The following GMFG variants were observed in gnomAD, a reference collection of about 807,000 sequenced individuals.
GMFG encodes glia maturation factor gamma.
A neutral mutation model predicts 26.1 loss-of-function variants in GMFG; 21 were observed. That is an observed-to-expected ratio of 0.80 (90% CI 0.57 to 1.16). The LOEUF (loss-of-function observed/expected upper bound fraction) is 1.16, where lower values mean the gene tolerates loss of function less well. Among genes scored for constraint, GMFG ranks in the 50% most tolerant of loss-of-function variants. The pLI is 0.00. For missense variants in GMFG, 161 were observed against 178.3 expected (o/e 0.90, Z 0.55); for synonymous variants, 65 against 60.8 (o/e 1.07, Z -0.32).
chr19:39,329,431 C>G (rs530473219), intron 5 of GMFG, 113 bp downstream of exon 5: 1 of 702,566 alleles, frequency 1.4e-6, no homozygotes, highest in Non-Finnish European at 2.6e-6. Flanking sequence ...CACACACAGG[C>G]TGTCACATGC....
intron 5 of GMFG, 49 bp downstream of exon 5, chr19:39,329,495 C>T: frequency 9.3e-7 from 1 of 1,074,270 alleles, no homozygotes; most frequent in Non-Finnish European, 1.4e-6. Context: ...CAAACACACA[C>T]ACACAGAATC....
intron 4 of GMFG, among the ~76,000 whole-genome samples, chr19:39,331,826 C>G (rs1379013494): frequency 6.6e-6 from 1 of 152,012 alleles, no homozygotes; most frequent in African/African-American, 2.4e-5. Flanking sequence ...TGTTTGCTAC[C>G]TAAAGTGTTC....
At position 39,328,381 on chromosome 19, in the gene GMFG, T is replaced by G. The variant is rs1860200430; in HGVS notation, c.*96A>C. On this transcript the variant is annotated 3_prime_UTR_variant, in exon 7 of 7. Coordinates refer to ENST00000597595, the MANE Select transcript of GMFG (RefSeq NM_004877.4). ...ATCTCCGAGTTTTTGCATTTTAAAATTTATTTAAAGTCTTGGTTGTTCAGG... is the reference window on the plus strand; with the variant it reads ...ATCTCCGAGTTTTTGCATTTTAAAAGTTATTTAAAGTCTTGGTTGTTCAGG... The G allele has an allele frequency of 1.2e-6, 1 of 821,412 alleles. No individual in the cohort carries two copies. The highest frequency in any genetic ancestry group is 2.1e-6 in the Non-Finnish European group (1 of 478,284). 50.9% of individuals were successfully genotyped at this position (821,412 alleles called of 1,614,324 possible).
chr19:39,335,986 G>T lies in GMFG; in HGVS notation c.-10C>A. On this transcript the variant is annotated 5_prime_UTR_variant, in exon 1 of 7. Transcript: ENST00000597595. ...CCTGGCCCCTGACCATGATTGTTCT[G>T]TCCACAGGCCTCTTCTTTTCTTAGT... The T allele has an allele frequency of 6.2e-7, 1 of 1,600,724 alleles. No individual in the cohort carries two copies. Among genetic ancestry groups the T allele is most frequent in the Non-Finnish European group, 8.6e-7 (1 of 1,168,008 alleles).
intron 3 of GMFG, among the ~76,000 whole-genome samples, chr19:39,333,974 G>C (rs947863948): frequency 1.4e-4 from 21 of 151,248 alleles, no homozygotes; most frequent in East Asian, 1.9e-4. Flanking sequence ...GGCCACCAGG[G>C]GGGTGAGGTC....
At chr19:39,332,261 C>T (rs1369181542) in intron 4 of GMFG, among the ~76,000 whole-genome samples, 12 of 150,792 alleles carry the variant, frequency 8.0e-5, no homozygotes, top group Non-Finnish European at 7.4e-5. Flanking sequence ...ACCCAGGAGG[C>T]GGAGGTTGCA....
chr19:39,335,296 C>T lies in GMFG; in HGVS notation c.115G>A (p.Asp39Asn). The T allele has an allele frequency of 6.4e-7, 1 of 1,567,472 alleles. No individual in the cohort carries two copies. Among genetic ancestry groups the T allele is most frequent in the Non-Finnish European group, 8.7e-7 (1 of 1,155,040 alleles). Residue 39 changes from aspartate to asparagine, a missense_variant, in exon 3 of 7, where the codon GAC becomes AAC. By Grantham distance (23) the Asp-to-Asn change is conservative. Coordinates refer to ENST00000597595, the MANE Select transcript of GMFG (RefSeq NM_004877.4). ...NAAIIMKVDK[D>N]RQMVVLEEEF... ...TCCTCCAGCACCACCATCTGCCGGT[C>T]TTTGTCCACCTTCACTGGGGAGGGG...
At position 39,335,427 on chromosome 19, in the gene GMFG, T is replaced by C. The variant is rs759380403; in HGVS notation, c.100+8A>G. 5 of 1,607,002 alleles carry C rather than the reference T, an allele frequency of 3.1e-6. No homozygotes were observed. Among genetic ancestry groups the C allele is most frequent in the South Asian group, 1.1e-5 (1 of 90,940 alleles). ...TCCCATCCTTCTGTGGGGGAAGATGTCACTCACTTATGATGGCTGCATTGT... is the reference window on the plus strand; with the variant it reads ...TCCCATCCTTCTGTGGGGGAAGATGCCACTCACTTATGATGGCTGCATTGT... On this transcript the variant is annotated splice_region_variant and intron_variant, in intron 2 of 6. Coordinates refer to ENST00000597595, the MANE Select transcript of GMFG (RefSeq NM_004877.4).
In GMFG at chr19:39,329,613, T is replaced by C. The variant is rs769354620; in HGVS notation, c.214A>G (p.Ser72Gly). Residue 72 changes from serine to glycine, a missense_variant, in exon 5 of 7, where the codon AGC becomes GGC. By Grantham distance (56) the Ser-to-Gly change is moderately conservative. Coordinates refer to ENST00000597595, the MANE Select transcript of GMFG (RefSeq NM_004877.4). ...PERQPRFVVY[S>G]YKYVHDDGRV... ...CCATCGTCATGCACGTACTTGTAGC[T>C]GTAAACCACGAACCTACCGTGAAAG... The C allele has an allele frequency of 2.5e-5, 40 of 1,607,240 alleles. No homozygotes were observed. The highest frequency in any genetic ancestry group is 3.2e-5 in the Non-Finnish European group (37 of 1,173,942).
At chr19:39,331,269 CCTGTGAACCTAG>C (rs1036242192) in intron 4 of GMFG, among the ~76,000 whole-genome samples, 26 of 152,300 alleles carry the variant, frequency 1.7e-4, no homozygotes, top group African/African-American at 6.3e-4. Context: ...TGGTGGACTG[CCTGTGAACCTAG>C]CTCCAAACCC....
chr19:39,330,350 A>G (rs2075221472), intron 4 of GMFG, among the ~76,000 whole-genome samples: 1 of 152,176 alleles, frequency 6.6e-6, no homozygotes, highest in African/African-American at 2.4e-5. Flanking sequence ...TAAAATGAAA[A>G]TGTGGGGCAT....
At chr19:39,335,864 C>A (rs1178224542) in intron 1 of GMFG, 110 bp downstream of exon 1, 3 of 794,856 alleles carry the variant, frequency 3.8e-6, no homozygotes, top group Non-Finnish European at 6.6e-6. Flanking sequence ...GTTGGGCCCC[C>A]TTCCCGGCCC....
intron 3 of GMFG, 51 bp downstream of exon 3, chr19:39,335,210 T>C (rs1340195977): frequency 1.4e-5 from 20 of 1,408,278 alleles, no homozygotes; most frequent in Non-Finnish European, 1.9e-5. Context: ...ACCACTTGGT[T>C]CTCCCAGTCT....
chr19:39,332,631 A>C (rs141118241), intron 4 of GMFG, among the ~76,000 whole-genome samples: 3 of 147,750 alleles, frequency 2.0e-5, no homozygotes, highest in South Asian at 2.1e-4. Flanking sequence ...TAGAGTATGA[A>C]CTCTTGGCCT....
chr19:39,330,743 C>T (rs902538737), intron 4 of GMFG, among the ~76,000 whole-genome samples: 7 of 151,848 alleles, frequency 4.6e-5, no homozygotes, highest in African/African-American at 1.2e-4. Flanking sequence ...ATTACAGGGG[C>T]GTGCCACCAC....
Position 39,329,586 on chromosome 19 carries a change from G to A in GMFG, c.241C>T (p.Arg81Ter), listed in dbSNP as rs752728731. 29 of 1,611,370 alleles carry A rather than the reference G, an allele frequency of 1.8e-5. 1 individual carries two copies. In the Admixed American group the frequency reaches 3.0e-4, roughly 17 times the overall value. ...ATGAAACACAAAGGGTAGGACACTC[G>A]GCCATCGTCATGCACGTACTTGTAG... ...YSYKYVHDDG[R>*]VSYPLCFIFS... Residue 81 changes from arginine (R) to a stop codon, truncating the protein, a stop_gained, in exon 5 of 7, where the codon CGA becomes TGA. Transcript: ENST00000597595. LOFTEE classifies it high-confidence loss of function.
chr19:39,334,005 T>TGG (rs2075238100), intron 3 of GMFG, among the ~76,000 whole-genome samples: 1 of 145,926 alleles, frequency 6.9e-6, no homozygotes, highest in South Asian at 2.2e-4. Flanking sequence ...TTTTTTTTTG[T>TGG]AGAGATGGAG....
rs2075234389 is a variant in GMFG at position 39,333,211 on chromosome 19, G to A, written c.151-85C>T. 15 of 669,848 alleles carry A rather than the reference G, an allele frequency of 2.2e-5. 1 individual carries two copies. The highest frequency in any genetic ancestry group is 1.9e-4 in the South Asian group (12 of 62,190). The allele number at this position is 669,848 out of a possible 1,614,324, so 41.5% of individuals were successfully genotyped here. On this transcript the variant is annotated intron_variant, in intron 3 of 6. Transcript: ENST00000597595. ...TGTAATCCCAGCACTTTGGGAGGCC[G>A]AGGCAGGCGGATCACAAGGTCAGGA...
intron 3 of GMFG, among the ~76,000 whole-genome samples, chr19:39,334,849 G>GT (rs956155779): frequency 6.6e-6 from 1 of 151,832 alleles, no homozygotes; most frequent in Admixed American, 6.6e-5. Context: ...TTGTTTTTTT[G>GT]TTTTTTGTTT....
Sources: allele counts gnomAD v4.1 joint callset (sites outside exome capture counted in the v4.1 genomes callset), GRCh38; gene constraint gnomAD v4.1.1; transcripts MANE v1.5; gene names NCBI Gene and HGNC (gene_info 2026-07-23, HGNC 2026-07-21).